The following TNS1 variants were observed in gnomAD, a reference collection of about 807,000 sequenced individuals.
The protein encoded by TNS1 is tensin 1, also known as tensin-1.
In TNS1, 62 loss-of-function variants were observed where a neutral mutation model predicts 168.6. The ratio of observed to expected loss-of-function variants is 0.37; its 90% CI spans 0.30 to 0.45. The LOEUF (loss-of-function observed/expected upper bound fraction) is 0.45, where lower values mean the gene tolerates loss of function less well. Among genes scored for constraint, TNS1 ranks in the 20% least tolerant of loss-of-function variants. The pLI is 1.00. For synonymous variants in TNS1, 934 were observed against 933.2 expected, an observed-to-expected ratio of 1.00 and a Z score of -0.02; for missense variants, 2,240 against 2,339.4, an observed-to-expected ratio of 0.96 and a Z score of 0.88.
Position 217,812,403 on chromosome 2 carries a change from A to G in TNS1, c.4997T>C (p.Leu1666Ser). 9 of 1,614,112 alleles carry G rather than the reference A, an allele frequency of 5.6e-6. No individual in the cohort carries two copies. Among genetic ancestry groups the G allele is most frequent in the Non-Finnish European group, 7.6e-6 (9 of 1,180,018 alleles). The change falls in exon 28 of 33, where the codon TTG becomes TCG. Residue 1666 changes from leucine to serine, a missense_variant. This residue lies in a region of TNS1 where 2,131 missense variants were observed against 2,171.2 expected (regional missense o/e 0.98). Coordinates refer to ENST00000682258, the MANE Select transcript of TNS1 (RefSeq NM_001387777.1). ...ALVYQHSIIP[L>S]ALPCKLVIPN... ...AATGACCAGCTTGCAAGGCAGGGCC[A>G]ATGGGATGATGGAGTGCTGGTAGAC...
chr2:217,809,404 GATGGATGGATGC>G (rs1940171001), intron 30 of TNS1, among the ~76,000 whole-genome samples: 1 of 61,810 alleles, frequency 1.6e-5, no homozygotes, highest in Non-Finnish European at 3.6e-5. Flanking sequence ...TGGATGGATG[GATGGATGGATGC>G]ATGGATGGAT....
intron 4 of TNS1, among the ~76,000 whole-genome samples, chr2:217,907,609 T>C (rs915063913): frequency 6.6e-6 from 1 of 152,202 alleles, no homozygotes; most frequent in Admixed American, 6.5e-5. Context: ...TGAGTACCAT[T>C]AATACCTTTT....
At chr2:217,821,685 T>A in intron 23 of TNS1, 55 bp downstream of exon 23, 1 of 1,400,416 alleles carries the variant, frequency 7.1e-7, no homozygotes, top group Non-Finnish European at 9.3e-7. Context: ...ACCCATCCCG[T>A]CCCAGTCCCA....
intron 5 of TNS1, among the ~76,000 whole-genome samples, chr2:217,906,722 G>A (rs1040421147): frequency 2.0e-5 from 3 of 152,078 alleles, no homozygotes; most frequent in Admixed American, 1.3e-4. Flanking sequence ...TCATCTCCAA[G>A]CCCATGATTT....
chr2:217,909,640 T>C (rs1954132382), intron 4 of TNS1, among the ~76,000 whole-genome samples: 1 of 152,020 alleles, frequency 6.6e-6, no homozygotes, highest in South Asian at 2.1e-4. Context: ...CGTGCATTTC[T>C]ACCAGGTTTC....
chr2:217,975,168 A>T (rs572778325), intron 3 of TNS1, among the ~76,000 whole-genome samples: 1 of 151,980 alleles, frequency 6.6e-6, no homozygotes, highest in Non-Finnish European at 1.5e-5. Flanking sequence ...GCCAACCCCA[A>T]CTTGATAGCC....
chr2:217,915,494 A>C (rs1954904446), intron 4 of TNS1, among the ~76,000 whole-genome samples: 1 of 152,204 alleles, frequency 6.6e-6, no homozygotes, highest in Admixed American at 6.5e-5. Context: ...AGCACGTAGA[A>C]CAGTGCCTGG....
At chr2:217,851,528 G>T (rs1423376474) in intron 18 of TNS1, among the ~76,000 whole-genome samples, 12 of 151,340 alleles carry the variant, frequency 7.9e-5, no homozygotes, top group African/African-American at 2.9e-4. Context: ...CCACCCCTCT[G>T]CCCCCAGTTT....
Position 217,848,704 on chromosome 2 carries a change from C to A in TNS1, c.1813G>T (p.Val605Phe). Reference protein sequence around the residue: ...GSAVPSSGRHVVPAQVHVNGG... With the variant: ...GSAVPSSGRHFVPAQVHVNGG... ...TTGACATGAACCTGGGCTGGGACAA[C>A]GTGGCGTCCAGAGGAGGGCACAGCC... is the stretch of plus-strand genomic sequence containing the variant. Residue 605 changes from valine to phenylalanine, a missense_variant, in exon 19 of 33, where the codon GTT becomes TTT. Val to Phe is a conservative substitution (Grantham distance 50, BLOSUM62 -1). This residue lies in a region of TNS1 where 2,131 missense variants were observed against 2,171.2 expected (regional missense o/e 0.98). Coordinates refer to ENST00000682258, the MANE Select transcript of TNS1 (RefSeq NM_001387777.1). 6.2e-7 allele frequency: 1 copy of A among 1,614,198 alleles called. No individual in the cohort carries two copies.
intron 1 of TNS1, among the ~76,000 whole-genome samples, chr2:217,999,151 C>G (rs780083695): frequency 6.6e-5 from 10 of 152,176 alleles, no homozygotes; most frequent in Non-Finnish European, 1.0e-4. Context: ...GGGCTTGATT[C>G]CCACGGACCC....
intron 1 of TNS1, among the ~76,000 whole-genome samples, chr2:217,992,854 G>A (rs1384184579): frequency 2.6e-5 from 4 of 152,094 alleles, no homozygotes; most frequent in Non-Finnish European, 5.9e-5. Context: ...GCTCCCAAAG[G>A]CCAAATCCAG....
chr2:217,996,515 C>T (rs1054033527), intron 1 of TNS1, among the ~76,000 whole-genome samples: 6 of 152,052 alleles, frequency 3.9e-5, no homozygotes, highest in Non-Finnish European at 7.4e-5. Context: ...CACCCCCATG[C>T]CCTAGCCATG....
chr2:217,841,444 C>A (rs1000978), intron 19 of TNS1, among the ~76,000 whole-genome samples: 65,099 of 151,858 alleles, frequency 0.43, 14,820 homozygotes, highest in African/African-American at 0.6. Flanking sequence ...GGACAAAACA[C>A]AACAAAAACA....
intron 3 of TNS1, among the ~76,000 whole-genome samples, chr2:217,934,520 C>A (rs902642964): frequency 6.6e-6 from 1 of 152,342 alleles, no homozygotes; most frequent in Admixed American, 6.5e-5. Flanking sequence ...ATCCCCAGCA[C>A]ATCACTTCCT....
At chr2:217,877,169 C>T (rs1950273625) in intron 18 of TNS1, among the ~76,000 whole-genome samples, 2 of 152,134 alleles carry the variant, frequency 1.3e-5, no homozygotes, top group Non-Finnish European at 2.9e-5. Context: ...AAAGTCTCCA[C>T]CACAGCCACA....
chr2:218,031,256 GTA>G (rs1306813221), intron 1 of TNS1, among the ~76,000 whole-genome samples: 16 of 124,074 alleles, frequency 1.3e-4, no homozygotes, highest in African/African-American at 6.6e-4. Flanking sequence ...GTGTGTGAGT[GTA>G]TGAGTGTGTT....
chr2:217,961,235 T>TCA (rs146341310), intron 3 of TNS1, among the ~76,000 whole-genome samples: 14,862 of 144,522 alleles, frequency 0.1, 1,046 homozygotes, highest in Non-Finnish European at 0.16. Flanking sequence ...TCTCTCTCTC[T>TCA]CACACACACA....
rs1354256133 is a variant in TNS1 at position 217,817,677 on chromosome 2, G to A, written c.4642+13C>T. On this transcript the variant is annotated intron_variant, in intron 24 of 32. Transcript: ENST00000682258. ...CAGCAGGAGAGGTGAAAATGGAAGG[G>A]GGAGAGGCCCACCTGGCATGGAGTA... The A allele has an allele frequency of 1.9e-6, 3 of 1,572,820 alleles. No individual in the cohort carries two copies. The highest frequency in any genetic ancestry group is 4.5e-5 in the East Asian group (2 of 44,200).
chr2:217,813,630 T>C lies in TNS1; in HGVS notation c.4861+55A>G. ...CTGGGTCCCTCCAGCACCTCCAGGT[T>C]TAGCGACTGTAAAGCTCACCTGGTC... On this transcript the variant is annotated intron_variant, in intron 26 of 32. Transcript: ENST00000682258. The surrounding 1 kb of genome is among the most constrained non-coding windows in gnomAD (Gnocchi z 4.0). 6.4e-7 allele frequency: 1 copy of C among 1,552,226 alleles called. No homozygotes were observed. The highest frequency in any genetic ancestry group is 1.2e-5 in the South Asian group (1 of 80,250).
Sources: allele counts gnomAD v4.1 joint callset (sites outside exome capture counted in the v4.1 genomes callset), GRCh38; gene constraint gnomAD v4.1.1; regional missense constraint gnomAD v4.1.1; non-coding constraint Gnocchi (gnomAD v3.1); transcripts MANE v1.5; gene names NCBI Gene and HGNC (gene_info 2026-07-23, HGNC 2026-07-21).